ACBD5: variants seen among roughly 807,000 people sequenced by gnomAD.
The protein encoded by ACBD5 is acyl-CoA-binding domain-containing protein 5.
Under a neutral mutation model 71.8 loss-of-function variants are expected in ACBD5, and 40 were observed. That is an observed-to-expected ratio of 0.56 (90% CI 0.43 to 0.72). The LOEUF (loss-of-function observed/expected upper bound fraction) is 0.72, where lower values mean the gene tolerates loss of function less well. Among genes scored for constraint, ACBD5 ranks in the 30% least tolerant of loss-of-function variants. The probability of loss-of-function intolerance (pLI) is 0.00; values close to 1 mark genes in which losing one functional copy is unlikely to be tolerated. For missense variants in ACBD5, 559 were observed against 644.5 expected, an observed-to-expected ratio of 0.87 and a Z score of 1.44; for synonymous variants, 229 against 218.6, an observed-to-expected ratio of 1.05 and a Z score of -0.42.
rs755472165 is a variant in ACBD5 at position 27,208,349 on chromosome 10, C to T, written c.1301G>A (p.Gly434Asp). 23 of 1,614,096 alleles carry T rather than the reference C, an allele frequency of 1.4e-5. No homozygotes were observed. The highest frequency in any genetic ancestry group is 2.7e-5 in the African/African-American group (2 of 74,924). ...GAGGGCGATCTGCTCATTGAGGCTG[C>T]CTCGGGACCCTCTGTCGGAGCCCCA... is the stretch of plus-strand genomic sequence containing the variant. ...ERWGSDRGSR[G>D]SLNEQIALVL... The change falls in exon 10 of 13, where the codon GGC (glycine) becomes GAC (aspartate). Residue 434 changes from glycine to aspartate, a missense_variant. Physicochemically the swap from Gly to Asp is moderately conservative, Grantham distance 94 (BLOSUM62 -1). Coordinates refer to ENST00000396271, the MANE Select transcript of ACBD5 (RefSeq NM_145698.5).
intron 5 of ACBD5, among the ~76,000 whole-genome samples, chr10:27,222,640 G>A (rs962678645): frequency 1.3e-5 from 2 of 151,384 alleles, no homozygotes; most frequent in Admixed American, 6.6e-5. Flanking sequence ...GAGTGATCTC[G>A]TCTCACTGCA....
intron 12 of ACBD5, among the ~76,000 whole-genome samples, chr10:27,200,755 G>T (rs551187130): frequency 6.6e-6 from 1 of 152,084 alleles, no homozygotes; most frequent in Non-Finnish European, 1.5e-5. Context: ...CACCGCGTCC[G>T]GCCTATTCCT....
At chr10:27,208,215 A>C in intron 10 of ACBD5, 31 bp downstream of exon 10, 1 of 1,607,038 alleles carries the variant, frequency 6.2e-7, no homozygotes, top group Non-Finnish European at 8.5e-7. Flanking sequence ...ATCAATAAGC[A>C]CAAGAAGGTA....
At chr10:27,224,155 C>A (rs2062712432) in intron 4 of ACBD5, among the ~76,000 whole-genome samples, 1 of 148,652 alleles carries the variant, frequency 6.7e-6, no homozygotes, top group Admixed American at 6.7e-5. Flanking sequence ...GGCTTGAGCC[C>A]AGGAGTTCGA....
intron 12 of ACBD5, among the ~76,000 whole-genome samples, chr10:27,199,813 C>T (rs907012406): frequency 9.9e-5 from 15 of 151,958 alleles, no homozygotes; most frequent in African/African-American, 3.4e-4. Context: ...CGAGACTATC[C>T]TGGCCGTCTC....
chr10:27,203,783 G>A (rs949248403), intron 12 of ACBD5, among the ~76,000 whole-genome samples: 1 of 151,580 alleles, frequency 6.6e-6, no homozygotes, highest in African/African-American at 2.4e-5. Context: ...AAAAATAAAA[G>A]TACCTCCAAA....
chr10:27,200,507 C>T (rs926311514), intron 12 of ACBD5, among the ~76,000 whole-genome samples: 29 of 151,768 alleles, frequency 1.9e-4, no homozygotes, highest in African/African-American at 6.3e-4. Context: ...TGCAGTGGCA[C>T]GATCTCAGCT....
intron 12 of ACBD5, among the ~76,000 whole-genome samples, chr10:27,199,123 T>C (rs1175335903): frequency 1.3e-5 from 2 of 150,030 alleles, no homozygotes; most frequent in Non-Finnish European, 3.0e-5. Flanking sequence ...TAAATAAATA[T>C]ACAAATAAAT....
rs761888781 is a variant in ACBD5, at chr10:27,208,315, C to G, written c.1335G>C (p.Met445Ile). Residue 445 changes from methionine (M) to isoleucine (I), a missense_variant, in exon 10 of 13, where the codon ATG (methionine) becomes ATC (isoleucine). Physicochemically the swap from Met to Ile is conservative, Grantham distance 10 (BLOSUM62 1). Coordinates refer to ENST00000396271, the MANE Select transcript of ACBD5 (RefSeq NM_145698.5). ...CATTCTGCATGTCCTCCTGCAGTCT[C>G]ATCAGCACGAGGGCGATCTGCTCAT... Reference protein sequence around the residue: ...SLNEQIALVLMRLQEDMQNVL... With the variant: ...SLNEQIALVLIRLQEDMQNVL... The G allele has an allele frequency of 2.5e-6, 4 of 1,614,088 alleles. No homozygotes were observed. In the African/African-American group the frequency reaches 5.3e-5, roughly 22 times the overall value.
downstream of ACBD5, among the ~76,000 whole-genome samples, chr10:27,194,866 C>G (rs572006099): frequency 2.0e-5 from 3 of 150,150 alleles, no homozygotes; most frequent in South Asian, 2.1e-4. Context: ...AGTGGTGGCA[C>G]GTGCCTGTAC....
At chr10:27,198,178 AG>A (rs1168542408) in intron 12 of ACBD5, among the ~76,000 whole-genome samples, 1 of 152,218 alleles carries the variant, frequency 6.6e-6, no homozygotes, top group Non-Finnish European at 1.5e-5. Flanking sequence ...GCTCTGTGCC[AG>A]GCCCTGGGCA....
At chr10:27,225,692 T>C (rs1255580739) in intron 4 of ACBD5, among the ~76,000 whole-genome samples, 1 of 152,216 alleles carries the variant, frequency 6.6e-6, no homozygotes, top group Non-Finnish European at 1.5e-5. Context: ...AATTCTGAGA[T>C]AAATCAGATT....
rs1043169567 is a variant in ACBD5, at chr10:27,195,553, T to C, written c.*1877A>G. 1.1e-5 allele frequency: 5 copies of C among 451,156 alleles called. No homozygotes were observed. The highest frequency in any genetic ancestry group is 8.0e-5 in the African/African-American group (4 of 49,826). 27.9% of individuals were successfully genotyped at this position (451,156 alleles called of 1,614,324 possible). A position where few individuals can be genotyped will look rare whatever the true frequency, so the allele number is the denominator to read the frequency against. ...AAAGACACTTTTTACTGATACCAAATTGATATCTCATTTTTGAAAATAATC... is the reference window on the plus strand; with the variant it reads ...AAAGACACTTTTTACTGATACCAAACTGATATCTCATTTTTGAAAATAATC... On this transcript the variant is annotated 3_prime_UTR_variant, in exon 13 of 13. Transcript: ENST00000396271.
chr10:27,231,939 A>G (rs1367572342), intron 3 of ACBD5, 119 bp from the exon 4 acceptor site: 1 of 953,194 alleles, frequency 1.0e-6, no homozygotes, highest in East Asian at 2.5e-5. Context: ...TAAAGCCATA[A>G]CAGGATTGTC....
chr10:27,234,894 T>G (rs1239072135), intron 3 of ACBD5, among the ~76,000 whole-genome samples, 198 bp downstream of exon 3: 4 of 151,930 alleles, frequency 2.6e-5, no homozygotes, highest in Non-Finnish European at 4.4e-5. Flanking sequence ...ATCCTGCCAC[T>G]GCACTCCAGC....
At chr10:27,208,207 C>T (rs1450987396) in intron 10 of ACBD5, 39 bp downstream of exon 10, 4 of 1,593,794 alleles carry the variant, frequency 2.5e-6, no homozygotes, top group South Asian at 1.1e-5. Flanking sequence ...TTTCCAGAAT[C>T]AATAAGCACA....
intron 12 of ACBD5, among the ~76,000 whole-genome samples, chr10:27,203,159 T>A (rs1038193399): frequency 6.6e-6 from 1 of 151,714 alleles, no homozygotes; most frequent in African/African-American, 2.4e-5. Context: ...TTTAATTTTT[T>A]AAATTTTTTG....
Position 27,196,706 on chromosome 10 carries a change from T to C in ACBD5, c.*724A>G, listed in dbSNP as rs2059412167. On this transcript the variant is annotated 3_prime_UTR_variant, in exon 13 of 13. Transcript: ENST00000396271. ...GATTGAATAAAAACCTGATTAATCA[T>C]CTACAGGCTCAGAATACACTTTTAA... 2.2e-6 allele frequency: 1 copy of C among 454,416 alleles called. No individual in the cohort carries two copies. Among genetic ancestry groups the C allele is most frequent in the Admixed American group, 2.4e-5 (1 of 42,550 alleles). The allele number at this position is 454,416 out of a possible 1,614,324, so 28.1% of individuals were successfully genotyped here. A position where few individuals can be genotyped will look rare whatever the true frequency, so the allele number is the denominator to read the frequency against.
chr10:27,205,318 C>A, intron 10 of ACBD5, 70 bp from the exon 11 acceptor site: 1 of 1,509,048 alleles, frequency 6.6e-7, no homozygotes, highest in Non-Finnish European at 9.2e-7. Context: ...TATTTCCTAT[C>A]TTTTTTTAAA....
Sources: gnomAD v4.1 joint callset for allele counts (sites outside exome capture counted in the v4.1 genomes callset) on GRCh38, gnomAD v4.1.1 for gene constraint, MANE v1.5 for transcripts, NCBI Gene and HGNC (gene_info 2026-07-23, HGNC 2026-07-21) for gene names.